HTR4: variants seen among roughly 807,000 people sequenced by gnomAD.
HTR4 encodes the protein 5-hydroxytryptamine receptor 4.
A neutral mutation model predicts 36.8 loss-of-function variants in HTR4; 16 were observed. The ratio of observed to expected loss-of-function variants is 0.43; its 90% CI spans 0.29 to 0.66. The LOEUF (loss-of-function observed/expected upper bound fraction) is 0.66. Ranked by LOEUF, HTR4 falls within the 30% of genes least tolerant of loss-of-function variation. HTR4 has a pLI of 0.13. For missense variants in HTR4, 438 were observed against 490.9 expected, an observed-to-expected ratio of 0.89 and a Z score of 1.02; for synonymous variants, 189 against 185.1, an observed-to-expected ratio of 1.02 and a Z score of -0.17.
intron 6 of HTR4, among the ~76,000 whole-genome samples, chr5:148,495,103 T>G (rs559421384): frequency 6.6e-6 from 1 of 152,322 alleles, no homozygotes; most frequent in Non-Finnish European, 1.5e-5. Flanking sequence ...TGGGGAAGAA[T>G]CTAAGCCTGG....
At chr5:148,463,467 A>T (rs565294423) in intron 5 of HTR4, among the ~76,000 whole-genome samples, 1 of 151,994 alleles carries the variant, frequency 6.6e-6, no homozygotes, top group Non-Finnish European at 1.5e-5. Flanking sequence ...GGCATGAGCC[A>T]CCACACCTGG....
chr5:148,561,574 A>T (rs559222077), intron 2 of HTR4, among the ~76,000 whole-genome samples: 2 of 151,806 alleles, frequency 1.3e-5, no homozygotes, highest in South Asian at 4.2e-4. Context: ...TTACAAGATC[A>T]TTTTTTCTTT....
intron 4 of HTR4, among the ~76,000 whole-genome samples, chr5:148,538,515 A>G (rs1758943288): frequency 6.6e-6 from 1 of 152,198 alleles, no homozygotes; most frequent in Non-Finnish European, 1.5e-5. Flanking sequence ...CTGATAAACA[A>G]CTTCAGCAAA....
chr5:148,631,286 C>T (rs1441246235), intron 2 of HTR4, among the ~76,000 whole-genome samples: 1 of 152,110 alleles, frequency 6.6e-6, no homozygotes. Context: ...ATTTACATTT[C>T]TAAAGCAACA....
intron 2 of HTR4, among the ~76,000 whole-genome samples, chr5:148,557,775 T>A (rs1389484959): frequency 6.8e-6 from 1 of 148,132 alleles, no homozygotes. Context: ...TATAATATAT[T>A]ATATAATATA....
intron 4 of HTR4, among the ~76,000 whole-genome samples, chr5:148,545,734 T>C (rs1759357801): frequency 1.3e-5 from 2 of 151,346 alleles, no homozygotes; most frequent in Non-Finnish European, 2.9e-5. Flanking sequence ...GGCCTGGAGG[T>C]GAGGTTAGGA....
At chr5:148,638,983 G>A (rs1254885654) in intron 1 of HTR4, among the ~76,000 whole-genome samples, 1 of 152,004 alleles carries the variant, frequency 6.6e-6, no homozygotes. Context: ...GGAGGTTGAG[G>A]CTGCTGTGAG....
chr5:148,545,722 C>G (rs899385633), intron 4 of HTR4, among the ~76,000 whole-genome samples: 1 of 152,074 alleles, frequency 6.6e-6, no homozygotes, highest in Non-Finnish European at 1.5e-5. Context: ...CAAAGCAACT[C>G]GGGCCTGGAG....
intron 5 of HTR4, among the ~76,000 whole-genome samples, chr5:148,513,566 T>C (rs1252733726): frequency 7.9e-5 from 12 of 152,164 alleles, no homozygotes. Context: ...GTTATAAAAG[T>C]CTTTGAATTG....
intron 6 of HTR4, among the ~76,000 whole-genome samples, chr5:148,503,463 G>A (rs1013401012): frequency 2.6e-5 from 4 of 152,136 alleles, no homozygotes; most frequent in African/African-American, 9.7e-5. Flanking sequence ...GTCACCACCA[G>A]GCCAGCCCTA....
At chr5:148,582,400 G>T (rs924487529) in intron 2 of HTR4, among the ~76,000 whole-genome samples, 1 of 152,026 alleles carries the variant, frequency 6.6e-6, no homozygotes, top group African/African-American at 2.4e-5. Context: ...TCATTACCCT[G>T]ATATTGAGCA....
At chr5:148,536,630 C>A (rs979514221) in intron 4 of HTR4, among the ~76,000 whole-genome samples, 3 of 152,098 alleles carry the variant, frequency 2.0e-5, no homozygotes, top group Non-Finnish European at 4.4e-5. Flanking sequence ...TAACAAAGAT[C>A]AAAAAGCACA....
intron 4 of HTR4, among the ~76,000 whole-genome samples, chr5:148,524,284 C>T (rs1758159832): frequency 6.6e-6 from 1 of 152,174 alleles, no homozygotes; most frequent in South Asian, 2.1e-4. Context: ...GAATCATGAA[C>T]AGAATTGACA....
intron 4 of HTR4, among the ~76,000 whole-genome samples, chr5:148,541,626 A>G (rs1177724651): frequency 1.3e-5 from 2 of 152,212 alleles, no homozygotes; most frequent in African/African-American, 2.4e-5. Flanking sequence ...AAAATAAAAG[A>G]AACCCAAGGC....
In HTR4 at chr5:148,482,191, T is replaced by C. The variant is rs199565042; in HGVS notation, c.*1012A>G. The C allele has an allele frequency of 4.1e-6, 4 of 985,484 alleles. No individual in the cohort carries two copies. Among genetic ancestry groups the C allele is most frequent in the Admixed American group, 1.2e-4 (2 of 16,280 alleles). 61.0% of individuals were successfully genotyped at this position (985,484 alleles called of 1,614,324 possible). On this transcript the variant is annotated 3_prime_UTR_variant, in exon 7 of 7. Transcript: ENST00000377888. ...TGCTGGATCCTGCCCTCCTGCACCT[T>C]GGGGGAGCTGCAGGGGAAAATGAGT...
intron 6 of HTR4, among the ~76,000 whole-genome samples, chr5:148,502,478 C>T (rs1756981579): frequency 1.3e-5 from 2 of 152,172 alleles, no homozygotes; most frequent in Non-Finnish European, 2.9e-5. Context: ...AAAGGACATC[C>T]ACACCAAAAC....
chr5:148,473,003 A>G (rs1165765401), downstream of HTR4, among the ~76,000 whole-genome samples: 1 of 152,158 alleles, frequency 6.6e-6, no homozygotes, highest in African/African-American at 2.4e-5. Flanking sequence ...ATGTAGAGGG[A>G]AAAAAGGTAG....
intron 5 of HTR4, among the ~76,000 whole-genome samples, chr5:148,517,327 G>A (rs1757804980): frequency 6.6e-6 from 1 of 151,566 alleles, no homozygotes; most frequent in African/African-American, 2.4e-5. Flanking sequence ...ATTTCATCTA[G>A]TCATATGGAT....
At chr5:148,511,684 C>T (rs1230426578) in intron 5 of HTR4, among the ~76,000 whole-genome samples, 2 of 140,888 alleles carry the variant, frequency 1.4e-5, no homozygotes, top group East Asian at 2.3e-4. Flanking sequence ...AGGTATATAC[C>T]CAGGACTGAA....
Sources: gnomAD v4.1 joint callset for allele counts (sites outside exome capture counted in the v4.1 genomes callset) on GRCh38, gnomAD v4.1.1 for gene constraint, MANE v1.5 for transcripts, NCBI Gene and HGNC (gene_info 2026-07-23, HGNC 2026-07-21) for gene names.